The following FAM149A variants were observed in gnomAD, a reference collection of about 807,000 sequenced individuals.
FAM149A encodes the protein protein FAM149A.
In FAM149A, 71 loss-of-function variants were observed where a neutral mutation model predicts 78.2. The observed-to-expected ratio is 0.91, with a 90% confidence interval of 0.75 to 1.11. The LOEUF is 1.11. Among genes scored for constraint, FAM149A ranks in the 50% least tolerant of loss-of-function variants. The pLI, the probability that FAM149A is intolerant of heterozygous loss-of-function variation, is 0.00. For synonymous variants in FAM149A, 446 were observed against 410.5 expected (o/e 1.09, Z -1.04); for missense variants, 1,036 against 971.0 (o/e 1.07, Z -0.89).
chr4:186,169,182 GTAT>G, intron 13 of FAM149A: 1 of 983,976 alleles, frequency 1.0e-6, no homozygotes, highest in African/African-American at 1.7e-5. Flanking sequence ...CCAAGTCAGT[GTAT>G]TCTCTTATCA....
chr4:186,142,317 C>T (rs1048003596), intron 1 of FAM149A, among the ~76,000 whole-genome samples: 30 of 152,102 alleles, frequency 2.0e-4, no homozygotes, highest in African/African-American at 7.2e-4. Context: ...GTTCGCAGGT[C>T]TTCAGATGTA....
At position 186,157,600 on chromosome 4, in the gene FAM149A, G is replaced by A. The variant is rs1057048417; in HGVS notation, c.1456G>A (p.Gly486Arg). ...ACAGAGAGAAACATTGAAAGTGGCT[G>A]GAAACAGATTTCCGCACGTCCTCGT... The change falls in exon 8 of 14, where the codon GGA becomes AGA. Residue 486 changes from glycine (G) to arginine (R), a missense_variant. By Grantham distance (125) the Gly-to-Arg change is moderately radical. Coordinates refer to ENST00000389354, the MANE Select transcript of FAM149A (RefSeq NM_001367768.3). 5 of 1,614,050 alleles carry A rather than the reference G, an allele frequency of 3.1e-6. No individual in the cohort carries two copies. Among genetic ancestry groups the A allele is most frequent in the Admixed American group, 1.7e-5 (1 of 60,012 alleles).
intron 1 of FAM149A, chr4:186,133,146 C>T (rs566028926): frequency 1.6e-4 from 158 of 985,366 alleles, no homozygotes; most frequent in Admixed American, 5.5e-4. Context: ...TTCTTTCCAC[C>T]CTACACACTA....
rs149979981 is a variant in FAM149A, at chr4:186,172,893, G to A, written c.*906G>A. Among the ~76,000 whole-genome samples the A allele has an allele frequency of 2.0e-3, 223 of 111,938 alleles. 46 individuals are homozygous for A. The highest frequency in any genetic ancestry group is 5.9e-3 in the African/African-American group (211 of 35,728). The allele number at this position is 111,938 out of a possible 152,430, so 73.4% of individuals were successfully genotyped here. ...TAGAAAATGGAGCAGAGAACAGGAA[G>A]GGGAATTAGCAGAGATGAGGCTCCA... On this transcript the variant is annotated 3_prime_UTR_variant, in exon 14 of 14. Coordinates refer to ENST00000389354, the MANE Select transcript of FAM149A (RefSeq NM_001367768.3).
chr4:186,105,764 C>A, intron 1 of FAM149A, 122 bp downstream of exon 1: 1 of 639,636 alleles, frequency 1.6e-6, no homozygotes, highest in Non-Finnish European at 2.0e-6. Flanking sequence ...ACTTTCATAA[C>A]CCCCTGGGCA....
In FAM149A at chr4:186,144,706, T is replaced by C. The variant is rs1732837493; in HGVS notation, c.567-4467T>C. The C allele has an allele frequency of 1.5e-6, 1 of 680,522 alleles. No homozygotes were observed. Among genetic ancestry groups the C allele is most frequent in the Admixed American group, 6.6e-5 (1 of 15,166 alleles). 42.2% of individuals were successfully genotyped at this position (680,522 alleles called of 1,614,324 possible). ...CCGGCAGGGAGCGGGGAAGGCGCGC[T>C]TTCCCGGAGGTCGGCGCGGGGCCGG... On this transcript the variant is annotated intron_variant, in intron 1 of 13. Transcript: ENST00000389354. This position sits in a 1 kb window ranked among gnomAD's most constrained non-coding sequence, Gnocchi z 4.2.
At chr4:186,150,997 G>C in intron 3 of FAM149A, 1 of 984,566 alleles carries the variant, frequency 1.0e-6, no homozygotes, top group Non-Finnish European at 1.2e-6. Context: ...GAGCCACTGC[G>C]CCCAGCCTCT....
chr4:186,123,292 G>C, intron 1 of FAM149A: 1 of 985,246 alleles, frequency 1.0e-6, no homozygotes, highest in African/African-American at 1.7e-5. Context: ...AGTTTATGTA[G>C]TTTATACAGT....
At chr4:186,167,582 C>T (rs1451625101) in intron 13 of FAM149A, 7 of 346,610 alleles carry the variant, frequency 2.0e-5, no homozygotes, top group South Asian at 1.5e-4. Context: ...CGTTTTCATG[C>T]TCTATTTCTA....
At chr4:186,110,398 T>A in intron 1 of FAM149A, 1 of 857,746 alleles carries the variant, frequency 1.2e-6, no homozygotes, top group South Asian at 5.3e-5. Context: ...ACTTTCTTTT[T>A]TTTTTTTTAT....
intron 1 of FAM149A, among the ~76,000 whole-genome samples, chr4:186,147,462 T>TA (rs1331172319): frequency 6.6e-6 from 1 of 152,230 alleles, no homozygotes; most frequent in Non-Finnish European, 1.5e-5. Flanking sequence ...TGACACTTCA[T>TA]ATACTTTATC....
intron 8 of FAM149A, among the ~76,000 whole-genome samples, chr4:186,160,191 TACAC>T (rs559639341): frequency 0.016 from 1,324 of 82,966 alleles, 23 homozygotes; most frequent in African/African-American, 0.058. Context: ...ACATACCACA[TACAC>T]ACACTACACA....
Position 186,120,793 on chromosome 4 carries a change from C to CAA in FAM149A, c.566+15167_566+15168dup, listed in dbSNP as rs555497937. On this transcript the variant is annotated intron_variant, in intron 1 of 13. Transcript: ENST00000389354. ...TGGGCGACAGAGCAAGACTCCATCTCAAAAAAAAAAAAAAAAAGTTAGTAA... is the reference window on the plus strand; with the variant it reads ...TGGGCGACAGAGCAAGACTCCATCTCAAAAAAAAAAAAAAAAAAAGTTAGTAA... 6.1e-3 allele frequency among the ~76,000 whole-genome samples: 406 copies of CAA among 66,070 alleles called. 9 individuals carry two copies. Among genetic ancestry groups the CAA allele is most frequent in the Non-Finnish European group, 8.5e-3 (323 of 38,168 alleles). 43.3% of individuals were successfully genotyped at this position (66,070 alleles called of 152,430 possible). A position where few individuals can be genotyped will look rare whatever the true frequency, so the allele number is the denominator to read the frequency against.
chr4:186,105,073 A>AG lies in FAM149A; in HGVS notation c.-2dup. 1.6e-6 allele frequency: 2 copies of AG among 1,270,824 alleles called. No individual in the cohort carries two copies. Among genetic ancestry groups the AG allele is most frequent in the Non-Finnish European group, 2.0e-6 (2 of 980,780 alleles). 78.7% of individuals were successfully genotyped at this position (1,270,824 alleles called of 1,614,324 possible). On this transcript the variant is annotated 5_prime_UTR_variant, in exon 1 of 14. Coordinates refer to ENST00000389354, the MANE Select transcript of FAM149A (RefSeq NM_001367768.3). ...GGCGAGGACGGCGTGTCCACTGTCG[A>AG]GGCATGAAGGCTGCTGTGCTGGACC...
intron 13 of FAM149A, chr4:186,169,699 T>A: frequency 1.0e-6 from 1 of 984,830 alleles, no homozygotes; most frequent in Non-Finnish European, 1.2e-6. Flanking sequence ...GAAGAGGAGG[T>A]GGGGGTAGAG....
rs1002886028 is a variant in FAM149A, at chr4:186,164,108, T to C, written c.1889+475T>C. On this transcript the variant is annotated intron_variant, in intron 10 of 13. Transcript: ENST00000389354. This position sits in a 1 kb window ranked among gnomAD's most constrained non-coding sequence, Gnocchi z 4.0. ...GGATTCACATCCCGTCATGGCCTCG[T>C]TAGAAAGGTGCCTGTCTCTTGCCCT... 6.6e-6 allele frequency among the ~76,000 whole-genome samples: 1 copy of C among 152,214 alleles called. No homozygotes were observed. The highest frequency in any genetic ancestry group is 1.5e-5 in the Non-Finnish European group (1 of 68,034).
intron 1 of FAM149A, among the ~76,000 whole-genome samples, chr4:186,137,581 G>A (rs948032037): frequency 6.6e-6 from 1 of 151,798 alleles, no homozygotes. Context: ...ATTAAAATCT[G>A]GGCAAGGATT....
chr4:186,150,408 T>TCG (rs1324889389), intron 3 of FAM149A, among the ~76,000 whole-genome samples: 26 of 141,392 alleles, frequency 1.8e-4, no homozygotes, highest in Non-Finnish European at 1.1e-4. Context: ...TCTCTCTCTC[T>TCG]GTCTCTTTTT....
intron 7 of FAM149A, among the ~76,000 whole-genome samples, 177 bp downstream of exon 7, chr4:186,156,367 G>A (rs1271763376): frequency 6.6e-6 from 1 of 151,432 alleles, no homozygotes; most frequent in Non-Finnish European, 1.5e-5. Flanking sequence ...ATTGTTTTTT[G>A]TGTTATAAAA....
Sources: allele counts gnomAD v4.1 joint callset (sites outside exome capture counted in the v4.1 genomes callset), GRCh38; gene constraint gnomAD v4.1.1; non-coding constraint Gnocchi (gnomAD v3.1); transcripts MANE v1.5; gene names NCBI Gene and HGNC (gene_info 2026-07-23, HGNC 2026-07-21).